The following SHLD1 variants were observed in gnomAD, a reference collection of about 807,000 sequenced individuals.
SHLD1 encodes RINN1-REV7-interacting novel NHEJ regulator 3.
SHLD1 carries 3 observed loss-of-function variants against 5.5 expected under a neutral mutation model. The observed-to-expected ratio is 0.54, with a 90% CI of 0.25 to 1.40. The LOEUF (loss-of-function observed/expected upper bound fraction) is 1.40, where lower values mean the gene tolerates loss of function less well. Among genes scored for constraint, SHLD1 ranks in the 40% most tolerant of loss-of-function variants. SHLD1 has a pLI of 0.15. For synonymous variants in SHLD1, 92 were observed against 94.3 expected (o/e 0.98, Z 0.14); for missense variants, 210 against 244.4 (o/e 0.86, Z 0.94).
At chr20:5,761,949 GGTAA>G (rs1189606756) in intron 1 of SHLD1, among the ~76,000 whole-genome samples, 3 of 151,744 alleles carry the variant, frequency 2.0e-5, no homozygotes, top group Admixed American at 6.6e-5. Context: ...ATCTCTAGAA[GGTAA>G]GTATTTTTTT....
chr20:5,796,018 A>G (rs1326670761), intron 2 of SHLD1, among the ~76,000 whole-genome samples: 2 of 152,040 alleles, frequency 1.3e-5, no homozygotes, highest in African/African-American at 4.8e-5. Context: ...GAAAGAAAAT[A>G]TCATCTATTC....
At chr20:5,862,226 A>G (rs180731751) in intron 2 of SHLD1, among the ~76,000 whole-genome samples, 36 of 152,366 alleles carry the variant, frequency 2.4e-4, no homozygotes, top group African/African-American at 8.4e-4. Flanking sequence ...TAAAAATTTA[A>G]AACACCTTCA....
intron 2 of SHLD1, among the ~76,000 whole-genome samples, chr20:5,837,715 C>T (rs1336008863): frequency 1.3e-5 from 2 of 152,184 alleles, no homozygotes; most frequent in Non-Finnish European, 2.9e-5. Flanking sequence ...GACCAGAAGC[C>T]TTACAGATCA....
intron 2 of SHLD1, among the ~76,000 whole-genome samples, chr20:5,848,003 A>G (rs1360934468): frequency 6.6e-6 from 1 of 152,236 alleles, no homozygotes; most frequent in African/African-American, 2.4e-5. Context: ...TCTATCAGAA[A>G]AGAATGGATG....
chr20:5,861,442 C>T lies in SHLD1; in HGVS notation c.179-1582C>T, dbSNP rs546756352. Among the ~76,000 whole-genome samples, 28 of 152,354 alleles carry T rather than the reference C, an allele frequency of 1.8e-4. No individual in the cohort carries two copies. The South Asian group carries it at 5.8e-3, about 32-fold the overall frequency. ...TCAGCATCCATCTGTCTATCTTCAACAACTTGTAATGAGTTGCCTTAATAT... is the reference window on the plus strand; with the variant it reads ...TCAGCATCCATCTGTCTATCTTCAATAACTTGTAATGAGTTGCCTTAATAT... On this transcript the variant is annotated intron_variant, in intron 2 of 2. Transcript: ENST00000303142.
rs562890119 is a variant in SHLD1 at position 5,758,255 on chromosome 20, G to A, written c.-5+7776G>A. Among the ~76,000 whole-genome samples the A allele has an allele frequency of 2.8e-3, 413 of 146,502 alleles. 4 individuals carry two copies. The highest frequency in any genetic ancestry group is 0.01 in the African/African-American group (397 of 39,234). Reference sequence around the variant, plus strand: ...GGGCCTGAGGTACAAGCTAAGGTGGGGGGATTTGGGCTAGAGATGTTTCTT... The same window carrying A: ...GGGCCTGAGGTACAAGCTAAGGTGGAGGGATTTGGGCTAGAGATGTTTCTT... On this transcript the variant is annotated intron_variant, in intron 1 of 2. Transcript: ENST00000303142.
rs149206468 is a variant in SHLD1 at position 5,789,263 on chromosome 20, T to C, written c.178+16220T>C. Among the ~76,000 whole-genome samples, 357 of 151,818 alleles carry C rather than the reference T, an allele frequency of 2.4e-3. 2 individuals are homozygous for C. Among genetic ancestry groups the C allele is most frequent in the African/African-American group, 8.3e-3 (344 of 41,424 alleles). ...CCAAAGGATTTAAATTTTACTTTTT[T>C]GATGAAATTATAGTACCATTAAAGG... On this transcript the variant is annotated intron_variant, in intron 2 of 2. Transcript: ENST00000303142.
At chr20:5,853,538 A>G (rs1288724499) in intron 2 of SHLD1, among the ~76,000 whole-genome samples, 3 of 152,170 alleles carry the variant, frequency 2.0e-5, no homozygotes, top group Admixed American at 6.5e-5. Context: ...CCTTTTATGA[A>G]AATAGTTACA....
At chr20:5,788,485 T>C (rs561632985) in intron 2 of SHLD1, among the ~76,000 whole-genome samples, 1 of 152,374 alleles carries the variant, frequency 6.6e-6, no homozygotes, top group African/African-American at 2.4e-5. Context: ...GCTCTGAGCC[T>C]AGGCCTGGAG....
intron 2 of SHLD1, among the ~76,000 whole-genome samples, chr20:5,800,741 G>A (rs425944): frequency 0.046 from 7,012 of 152,068 alleles, 536 homozygotes; most frequent in African/African-American, 0.16. Context: ...TGACTTGTAG[G>A]GCACACCAGT....
chr20:5,856,233 G>C (rs562056271), intron 2 of SHLD1, among the ~76,000 whole-genome samples: 206 of 152,352 alleles, frequency 1.4e-3, no homozygotes, highest in Non-Finnish European at 2.2e-3. Context: ...GAGCAAGCAT[G>C]TTCGATGGCA....
intron 2 of SHLD1, among the ~76,000 whole-genome samples, chr20:5,857,585 G>A (rs1227460754): frequency 6.6e-6 from 1 of 152,146 alleles, no homozygotes; most frequent in Non-Finnish European, 1.5e-5. Flanking sequence ...GAGGCGGGCA[G>A]ATTACTTGAG....
intron 2 of SHLD1, 131 bp downstream of exon 2, chr20:5,773,174 C>T (rs201911118): frequency 9.6e-7 from 1 of 1,040,556 alleles, no homozygotes; most frequent in Non-Finnish European, 1.5e-6. Context: ...AGAAAAACAT[C>T]TTACCTAAGC....
intron 2 of SHLD1, among the ~76,000 whole-genome samples, chr20:5,856,975 C>A (rs892616277): frequency 1.3e-5 from 2 of 151,918 alleles, no homozygotes; most frequent in Non-Finnish European, 2.9e-5. Context: ...GTTTTTGTTT[C>A]TATTTTGTTT....
chr20:5,769,730 A>G (rs1422124735), intron 1 of SHLD1, among the ~76,000 whole-genome samples: 1 of 152,130 alleles, frequency 6.6e-6, no homozygotes, highest in Admixed American at 6.6e-5. Context: ...GTGGCTGAGC[A>G]CTGTGGCTCA....
At chr20:5,772,831 G>A (rs751272432) in intron 1 of SHLD1, 31 bp from the exon 2 acceptor site, 1 of 1,586,656 alleles carries the variant, frequency 6.3e-7, no homozygotes, top group South Asian at 1.1e-5. Context: ...GGTGCCTTTT[G>A]TACTGAATTG....
chr20:5,812,507 C>T (rs976070235), intron 2 of SHLD1, among the ~76,000 whole-genome samples: 6 of 152,176 alleles, frequency 3.9e-5, no homozygotes, highest in Admixed American at 6.5e-5. Flanking sequence ...AATTTTTGAA[C>T]AAGTGAACGA....
At chr20:5,809,588 T>A (rs535050997) in intron 2 of SHLD1, among the ~76,000 whole-genome samples, 1 of 152,198 alleles carries the variant, frequency 6.6e-6, no homozygotes, top group East Asian at 1.9e-4. Flanking sequence ...TAACCACTCT[T>A]ACCCCACATT....
chr20:5,851,228 G>T (rs191758288), intron 2 of SHLD1, among the ~76,000 whole-genome samples: 1 of 152,198 alleles, frequency 6.6e-6, no homozygotes, highest in Non-Finnish European at 1.5e-5. Context: ...GCTCATATTT[G>T]TAATCTCAGC....
Sources: gnomAD v4.1 joint callset for allele counts (sites outside exome capture counted in the v4.1 genomes callset) on GRCh38, gnomAD v4.1.1 for gene constraint, MANE v1.5 for transcripts, NCBI Gene and HGNC (gene_info 2026-07-23, HGNC 2026-07-21) for gene names.